FAM184B: variants seen among roughly 807,000 people sequenced by gnomAD.
The protein encoded by FAM184B is protein FAM184B.
A neutral mutation model predicts 135.9 loss-of-function variants in FAM184B; 111 were observed. The ratio of observed to expected loss-of-function variants is 0.82; its 90% confidence interval spans 0.70 to 0.96. FAM184B has a LOEUF of 0.96. FAM184B is among the 40% of genes least tolerant of loss of function. The pLI is 0.00. For missense variants in FAM184B, 1,375 were observed against 1,323.9 expected (o/e 1.04, Z -0.60); for synonymous variants, 552 against 524.8 (o/e 1.05, Z -0.71).
At chr4:17,641,048 A>T (rs1715295009) in intron 13 of FAM184B, among the ~76,000 whole-genome samples, 1 of 151,832 alleles carries the variant, frequency 6.6e-6, no homozygotes, top group Non-Finnish European at 1.5e-5. Flanking sequence ...ATCCCCCCTC[A>T]CCAACCTCCC....
intron 1 of FAM184B, among the ~76,000 whole-genome samples, chr4:17,720,442 A>G (rs1577275933): frequency 1.3e-5 from 2 of 152,314 alleles, no homozygotes; most frequent in East Asian, 1.9e-4. Context: ...CAAAACCACA[A>G]TGAGATAGCA....
intron 12 of FAM184B, among the ~76,000 whole-genome samples, chr4:17,645,151 A>G (rs1715432706): frequency 6.6e-6 from 1 of 152,240 alleles, no homozygotes; most frequent in African/African-American, 2.4e-5. Flanking sequence ...AAATGGCTAT[A>G]CTGCCCAAGG....
intron 1 of FAM184B, among the ~76,000 whole-genome samples, chr4:17,748,487 C>T (rs1429938068): frequency 1.4e-5 from 2 of 142,376 alleles, no homozygotes; most frequent in African/African-American, 2.6e-5. Flanking sequence ...TTGTCCCTTA[C>T]TTTAATCCTC....
At chr4:17,683,930 G>T (rs1422429332) in intron 7 of FAM184B, among the ~76,000 whole-genome samples, 1 of 151,590 alleles carries the variant, frequency 6.6e-6, no homozygotes, top group Non-Finnish European at 1.5e-5. Context: ...TCAAAAATTA[G>T]CTGGGCATGG....
chr4:17,646,209 C>G (rs980224277), intron 12 of FAM184B, among the ~76,000 whole-genome samples: 203 of 152,120 alleles, frequency 1.3e-3, no homozygotes, highest in African/African-American at 4.5e-3. Context: ...TACCATTTGA[C>G]CCAGCCATCC....
chr4:17,651,827 T>TAC (rs1488178368), intron 11 of FAM184B, among the ~76,000 whole-genome samples: 1 of 152,154 alleles, frequency 6.6e-6, no homozygotes, highest in East Asian at 1.9e-4. Flanking sequence ...TAGAGATCTT[T>TAC]ACCTCTGTTA....
intron 1 of FAM184B, among the ~76,000 whole-genome samples, chr4:17,776,335 C>G (rs1167117809): frequency 6.6e-6 from 1 of 152,190 alleles, no homozygotes; most frequent in Non-Finnish European, 1.5e-5. Context: ...TTTGTACAAA[C>G]TGCTGGAGAA....
chr4:17,735,713 G>A (rs953355488), intron 1 of FAM184B, among the ~76,000 whole-genome samples: 5 of 151,062 alleles, frequency 3.3e-5, no homozygotes, highest in African/African-American at 9.9e-5. Flanking sequence ...CAGGTGTTCC[G>A]GCTCCTGAGA....
chr4:17,708,713 T>A (rs1266294014), intron 2 of FAM184B, among the ~76,000 whole-genome samples, 179 bp downstream of exon 2: 1 of 43,930 alleles, frequency 2.3e-5, no homozygotes, highest in African/African-American at 9.3e-5. Flanking sequence ...ATATATAGTG[T>A]CTGTGTGTGT....
chr4:17,728,928 G>A (rs565016124), intron 1 of FAM184B, among the ~76,000 whole-genome samples: 56 of 152,232 alleles, frequency 3.7e-4, no homozygotes, highest in African/African-American at 1.1e-3. Context: ...TGCACCATGC[G>A]CGAGCTGAAG....
At chr4:17,638,015 G>A (rs1715196658) in intron 14 of FAM184B, among the ~76,000 whole-genome samples, 1 of 151,700 alleles carries the variant, frequency 6.6e-6, no homozygotes, top group Non-Finnish European at 1.5e-5. Flanking sequence ...CCTCAGGAGT[G>A]CCCTCACCTC....
chr4:17,705,291 C>A, intron 4 of FAM184B, 85 bp from the exon 5 acceptor site: 1 of 1,047,038 alleles, frequency 9.6e-7, no homozygotes, highest in East Asian at 2.6e-5. Flanking sequence ...ACAACTTTTA[C>A]AACGTTTATA....
At chr4:17,723,455 C>T (rs748861781) in intron 1 of FAM184B, among the ~76,000 whole-genome samples, 8 of 152,174 alleles carry the variant, frequency 5.3e-5, no homozygotes, top group Non-Finnish European at 1.0e-4. Context: ...CACGTGGCCT[C>T]GAGTGTAGCA....
At chr4:17,632,649 T>A in intron 17 of FAM184B, 24 bp from the exon 18 acceptor site, 1 of 1,489,424 alleles carries the variant, frequency 6.7e-7, no homozygotes, top group Non-Finnish European at 9.1e-7. Context: ...AAGGTTTTTT[T>A]ATATGGTTTT....
chr4:17,730,177 G>A (rs537722264), intron 1 of FAM184B, among the ~76,000 whole-genome samples: 102 of 152,194 alleles, frequency 6.7e-4, no homozygotes, highest in Non-Finnish European at 1.2e-3. Context: ...AATGGAAGAC[G>A]AAATGAATGA....
intron 13 of FAM184B, among the ~76,000 whole-genome samples, chr4:17,639,850 C>T (rs527794398): frequency 2.4e-3 from 365 of 149,672 alleles, no homozygotes; most frequent in Non-Finnish European, 3.6e-3. Flanking sequence ...TTTTTTGAGA[C>T]GGAGTCTTGC....
At chr4:17,635,474 G>A (rs1382436513) in intron 15 of FAM184B, among the ~76,000 whole-genome samples, 1 of 152,038 alleles carries the variant, frequency 6.6e-6, no homozygotes, top group Non-Finnish European at 1.5e-5. Context: ...TTTGACATTT[G>A]TGTTGCCTAA....
intron 7 of FAM184B, among the ~76,000 whole-genome samples, chr4:17,676,529 TTAA>T (rs887549307): frequency 2.2e-4 from 34 of 152,248 alleles, no homozygotes; most frequent in Admixed American, 2.2e-3. Flanking sequence ...TATTACACAC[TTAA>T]TAGACTGTAG....
At chr4:17,657,715 G>C (rs1190793473) in intron 10 of FAM184B, among the ~76,000 whole-genome samples, 1 of 132,190 alleles carries the variant, frequency 7.6e-6, no homozygotes, top group South Asian at 2.4e-4. Flanking sequence ...GGAATGCAAT[G>C]GCATAGTCTT....
Sources: allele counts gnomAD v4.1 joint callset (sites outside exome capture counted in the v4.1 genomes callset), GRCh38; gene constraint gnomAD v4.1.1; transcripts MANE v1.5; gene names NCBI Gene and HGNC (gene_info 2026-07-23, HGNC 2026-07-21).